ZMIZ1: variants seen among roughly 807,000 people sequenced by gnomAD.
ZMIZ1 encodes the protein zinc finger MIZ domain-containing protein 1.
In ZMIZ1, 17 loss-of-function variants were observed where a neutral mutation model predicts 113.9. The observed-to-expected ratio is 0.15, with a 90% confidence interval of 0.10 to 0.22. The LOEUF is 0.22. Among genes scored for constraint, ZMIZ1 ranks in the 10% least tolerant of loss-of-function variants. The probability of loss-of-function intolerance (pLI) is 1.00; values close to 1 mark genes in which losing one functional copy is unlikely to be tolerated. For synonymous variants in ZMIZ1, 607 were observed against 603.1 expected (o/e 1.01, Z -0.09); for missense variants, 1,059 against 1,477.8 (o/e 0.72, Z 4.65).
intron 6 of ZMIZ1, among the ~76,000 whole-genome samples, chr10:79,214,911 T>A (rs1205709849): frequency 2.6e-5 from 4 of 151,864 alleles, no homozygotes; most frequent in African/African-American, 9.7e-5. Context: ...GGGGACAGAG[T>A]GAAGCCAGAG....
intron 4 of ZMIZ1, among the ~76,000 whole-genome samples, chr10:79,165,975 T>C (rs1435072074): frequency 0.031 from 913 of 29,588 alleles, no homozygotes; most frequent in Middle Eastern, 0.06. Flanking sequence ...TGTGTGTGTG[T>C]GTGTGTGTGT....
intron 4 of ZMIZ1, among the ~76,000 whole-genome samples, chr10:79,192,231 G>A (rs1275362769): frequency 1.3e-5 from 2 of 152,252 alleles, no homozygotes; most frequent in East Asian, 1.9e-4. Flanking sequence ...TCCCAGCCCT[G>A]TGTGGGTTGG....
At chr10:79,139,181 G>A (rs940686417) in intron 2 of ZMIZ1, among the ~76,000 whole-genome samples, 5 of 152,210 alleles carry the variant, frequency 3.3e-5, no homozygotes, top group Non-Finnish European at 5.9e-5. Context: ...GATCTGGTGA[G>A]CAATTCATAA....
intron 6 of ZMIZ1, among the ~76,000 whole-genome samples, chr10:79,215,148 C>T (rs968155723): frequency 9.9e-5 from 15 of 152,174 alleles, no homozygotes; most frequent in Admixed American, 2.6e-4. Flanking sequence ...CCAGGCTGAG[C>T]GTGGGAGTCC....
chr10:79,109,905 C>G (rs1426278317), intron 1 of ZMIZ1, among the ~76,000 whole-genome samples: 1 of 152,266 alleles, frequency 6.6e-6, no homozygotes, highest in Non-Finnish European at 1.5e-5. Context: ...CTCAGTCTCC[C>G]CATCTGTAAG....
At chr10:79,257,427 G>A (rs1850984970) in intron 7 of ZMIZ1, among the ~76,000 whole-genome samples, 3 of 152,390 alleles carry the variant, frequency 2.0e-5, no homozygotes, top group Middle Eastern at 3.4e-3. Flanking sequence ...TCTAGAGTTG[G>A]TGTATCTGGA....
rs568123339 is a variant in ZMIZ1, at chr10:79,306,468, C to T, written c.2668+124C>T. On this transcript the variant is annotated intron_variant, in intron 22 of 24. Transcript: ENST00000334512. ...TGTGGTTGAAGAGAGAGAAGTAACA[C>T]ATCCCCCAAAAAACAATTCCCAGTT... The T allele has an allele frequency of 2.7e-6, 4 of 1,459,754 alleles. No individual in the cohort carries two copies. In the Admixed American group the frequency reaches 6.3e-5, roughly 23 times the overall value. The allele number at this position is 1,459,754 out of a possible 1,614,324, so 90.4% of individuals were successfully genotyped here.
Position 79,296,450 on chromosome 10 carries a change from C to T in ZMIZ1, c.1231-21C>T, listed in dbSNP as rs1361198202. 6.2e-7 allele frequency: 1 copy of T among 1,613,466 alleles called. No individual in the cohort carries two copies. The highest frequency in any genetic ancestry group is 2.2e-5 in the East Asian group (1 of 44,812). On this transcript the variant is annotated intron_variant, in intron 12 of 24. Transcript: ENST00000334512. This position sits in a 1 kb window ranked among gnomAD's most constrained non-coding sequence, Gnocchi z 4.1. ...TGGCAACATTGAACGTGTTTCCCCT[C>T]TCCTTTCTCTCCCACCACAGCCCAA...
At chr10:79,076,748 A>C (rs866626853) in intron 1 of ZMIZ1, among the ~76,000 whole-genome samples, 1 of 152,166 alleles carries the variant, frequency 6.6e-6, no homozygotes, top group Non-Finnish European at 1.5e-5. Context: ...GAGGCATGAG[A>C]AACACTTGAA....
chr10:79,305,129 C>T (rs755689798), intron 19 of ZMIZ1, 35 bp from the exon 20 acceptor site: 3 of 1,613,240 alleles, frequency 1.9e-6, no homozygotes, highest in Non-Finnish European at 2.5e-6. Flanking sequence ...TTCTGACAGT[C>T]CTGGTCTCAC....
chr10:79,173,066 C>T (rs534187871), intron 4 of ZMIZ1, among the ~76,000 whole-genome samples: 3 of 152,258 alleles, frequency 2.0e-5, no homozygotes, highest in South Asian at 4.2e-4. Context: ...GCTGGCTCTG[C>T]ACCAAGAATG....
intron 6 of ZMIZ1, among the ~76,000 whole-genome samples, chr10:79,210,709 A>G (rs1564527471): frequency 6.6e-6 from 1 of 152,230 alleles, no homozygotes; most frequent in Non-Finnish European, 1.5e-5. Context: ...AGCAGCTAAC[A>G]CAGGGCCCAC....
intron 7 of ZMIZ1, among the ~76,000 whole-genome samples, chr10:79,217,757 G>T (rs1435153730): frequency 6.6e-6 from 1 of 152,214 alleles, no homozygotes; most frequent in Admixed American, 6.5e-5. Flanking sequence ...ATAGATGTGT[G>T]GTGGCCTCAT....
At chr10:79,224,151 T>A (rs1171773037) in intron 7 of ZMIZ1, among the ~76,000 whole-genome samples, 1 of 152,162 alleles carries the variant, frequency 6.6e-6, no homozygotes, top group Non-Finnish European at 1.5e-5. Flanking sequence ...CTTAGTATGA[T>A]CCCAGCCAGG....
chr10:79,292,236 C>A lies in ZMIZ1; in HGVS notation c.837C>A (p.Pro279=). 1 of 1,612,016 alleles carries A rather than the reference C, an allele frequency of 6.2e-7. No individual in the cohort carries two copies. The highest frequency in any genetic ancestry group is 1.1e-5 in the South Asian group (1 of 91,000). ...GGCCGCCTGCTGACTTCACTCAGCCCGCGGCAGCCGCTGCAGCAGCGGCAG... is the reference window on the plus strand; with the variant it reads ...GGCCGCCTGCTGACTTCACTCAGCCAGCGGCAGCCGCTGCAGCAGCGGCAG... ...HTRPPADFTQ[P]AAAAAAAAVA... The change falls in exon 11 of 25, where the codon CCC becomes CCA. Residue 279 remains proline, a synonymous_variant. Coordinates refer to ENST00000334512, the MANE Select transcript of ZMIZ1 (RefSeq NM_020338.4).
intron 4 of ZMIZ1, among the ~76,000 whole-genome samples, chr10:79,197,441 T>G (rs1272673087): frequency 6.6e-6 from 1 of 152,182 alleles, no homozygotes; most frequent in East Asian, 1.9e-4. Context: ...TTCCACACCA[T>G]GGTTTGTCCC....
Position 79,296,110 on chromosome 10 carries a change from C to A in ZMIZ1, c.1231-361C>A. 1 of 279,718 alleles carries A rather than the reference C, an allele frequency of 3.6e-6. No homozygotes were observed. 17.3% of individuals were successfully genotyped at this position (279,718 alleles called of 1,614,324 possible). A position where few individuals can be genotyped will look rare whatever the true frequency, so the allele number is the denominator to read the frequency against. Reference sequence around the variant, plus strand: ...TGTGTTCCTCTGTCACATTGGGGTACACATTGGGGAGCACAGCCCTAACCC... The same window carrying A: ...TGTGTTCCTCTGTCACATTGGGGTAAACATTGGGGAGCACAGCCCTAACCC... On this transcript the variant is annotated intron_variant, in intron 12 of 24. Coordinates refer to ENST00000334512, the MANE Select transcript of ZMIZ1 (RefSeq NM_020338.4). This position sits in a 1 kb window ranked among gnomAD's most constrained non-coding sequence, Gnocchi z 4.1.
intron 4 of ZMIZ1, among the ~76,000 whole-genome samples, chr10:79,192,925 A>G (rs1454203171): frequency 1.3e-5 from 2 of 151,996 alleles, no homozygotes. Context: ...TGCCTCTTCC[A>G]TCCCTCTCCC....
intron 2 of ZMIZ1, among the ~76,000 whole-genome samples, chr10:79,120,000 A>G (rs542682628): frequency 2.2e-4 from 32 of 148,478 alleles, no homozygotes; most frequent in Middle Eastern, 3.5e-3. Flanking sequence ...GAAAGATCCC[A>G]GTGATGTGGC....
Sources: gnomAD v4.1 joint callset for allele counts (sites outside exome capture counted in the v4.1 genomes callset) on GRCh38, gnomAD v4.1.1 for gene constraint, Gnocchi (gnomAD v3.1) non-coding constraint, MANE v1.5 for transcripts, NCBI Gene and HGNC (gene_info 2026-07-23, HGNC 2026-07-21) for gene names.